PECR: variants seen among roughly 807,000 people sequenced by gnomAD.
PECR encodes the protein peroxisomal trans-2-enoyl-CoA reductase.
PECR carries 30 observed loss-of-function variants against 35.3 expected under a neutral mutation model. That is an observed-to-expected ratio of 0.85 (90% CI 0.64 to 1.15). The LOEUF is 1.15. Among genes scored for constraint, PECR ranks in the 50% most tolerant of loss-of-function variants. The pLI, the probability that PECR is intolerant of heterozygous loss-of-function variation, is 0.00. For missense variants in PECR, 392 were observed against 370.8 expected (o/e 1.06, Z -0.47); for synonymous variants, 148 against 138.9 (o/e 1.07, Z -0.46).
At chr2:216,075,091 T>C (rs1057178060) in intron 1 of PECR, among the ~76,000 whole-genome samples, 1 of 152,294 alleles carries the variant, frequency 6.6e-6, no homozygotes, top group Admixed American at 6.5e-5. Context: ...CCATCCTGGA[T>C]GAGACCTTGT....
downstream of PECR, among the ~76,000 whole-genome samples, chr2:216,035,244 C>G (rs1440489551): frequency 6.6e-6 from 1 of 152,182 alleles, no homozygotes; most frequent in Non-Finnish European, 1.5e-5. Flanking sequence ...CCGTGCAGTG[C>G]AGACTGCTTC....
At chr2:216,081,023 T>C (rs1695830378) in intron 1 of PECR, among the ~76,000 whole-genome samples, 1 of 152,216 alleles carries the variant, frequency 6.6e-6, no homozygotes, top group Admixed American at 6.5e-5. Context: ...ATGTTGCAAA[T>C]ATTTTTCTTC....
chr2:216,046,289 C>T (rs377062629), intron 6 of PECR, among the ~76,000 whole-genome samples: 34 of 107,942 alleles, frequency 3.1e-4, no homozygotes, highest in African/African-American at 1.1e-3. Context: ...TATATATATA[C>T]ATACATATAT....
At chr2:216,055,494 A>T (rs943875394) in intron 4 of PECR, among the ~76,000 whole-genome samples, 1 of 152,066 alleles carries the variant, frequency 6.6e-6, no homozygotes. Flanking sequence ...CACTTGTAAT[A>T]GGACTAAACC....
chr2:216,078,363 G>T (rs1439976908), intron 1 of PECR, among the ~76,000 whole-genome samples: 2 of 151,924 alleles, frequency 1.3e-5, no homozygotes, highest in African/African-American at 4.8e-5. Context: ...TGATTTTTAT[G>T]GCCAGGCCCG....
At chr2:216,055,696 G>A (rs772681909) in intron 4 of PECR, among the ~76,000 whole-genome samples, 14 of 152,174 alleles carry the variant, frequency 9.2e-5, no homozygotes, top group African/African-American at 2.9e-4. Context: ...AGATTTAAGC[G>A]CCCTCCTGGA....
intron 3 of PECR, 77 bp from the exon 4 acceptor site, chr2:216,059,053 G>T: frequency 1.2e-6 from 1 of 855,038 alleles, no homozygotes; most frequent in Non-Finnish European, 2.0e-6. Flanking sequence ...TCAGCACACT[G>T]CCTGTTTGAT....
chr2:216,052,841 C>T (rs146770127), intron 4 of PECR, among the ~76,000 whole-genome samples: 4 of 152,064 alleles, frequency 2.6e-5, no homozygotes, highest in Non-Finnish European at 5.9e-5. Flanking sequence ...TCACAGTTCA[C>T]GAATGCTCTG....
chr2:216,043,834 A>G, intron 7 of PECR, 70 bp downstream of exon 7: 1 of 791,754 alleles, frequency 1.3e-6, no homozygotes, highest in Non-Finnish European at 2.3e-6. Context: ...GTAACTACTT[A>G]TAATAAATTT....
At chr2:216,053,873 T>G (rs1695170983) in intron 4 of PECR, among the ~76,000 whole-genome samples, 1 of 152,062 alleles carries the variant, frequency 6.6e-6, no homozygotes, top group Non-Finnish European at 1.5e-5. Context: ...TCAGCAAAAA[T>G]ATATATTTTT....
chr2:216,041,558 G>A (rs747340571), intron 7 of PECR, among the ~76,000 whole-genome samples: 4 of 152,114 alleles, frequency 2.6e-5, no homozygotes, highest in East Asian at 1.9e-4. Flanking sequence ...CCCATCTCCC[G>A]CATACAACTC....
At chr2:216,061,739 T>C (rs1190062960) in intron 3 of PECR, among the ~76,000 whole-genome samples, 1 of 152,112 alleles carries the variant, frequency 6.6e-6, no homozygotes, top group Non-Finnish European at 1.5e-5. Flanking sequence ...ATGCAATACA[T>C]GAATTTGAAA....
Position 216,039,283 on chromosome 2 carries a change from T to C in PECR, c.904A>G (p.Lys302Glu). The C allele has an allele frequency of 6.3e-7, 1 of 1,586,522 alleles. No homozygotes were observed. Among genetic ancestry groups the C allele is most frequent in the Non-Finnish European group, 8.7e-7 (1 of 1,154,988 alleles). ...CACCTTGTTTCCTCAGCTCAGAGCTTAGCTTTCTCCTTAAAGGTCTCCTTC... is the reference window on the plus strand; with the variant it reads ...CACCTTGTTTCCTCAGCTCAGAGCTCAGCTTTCTCCTTAAAGGTCTCCTTC... ...KMKETFKEKAKL is the reference protein window; with the variant it reads ...KMKETFKEKAEL Residue 302 changes from lysine to glutamate, a missense_variant, in exon 8 of 8, where the codon AAG (lysine) becomes GAG (glutamate). Transcript: ENST00000265322.
At chr2:216,053,534 G>A (rs780545440) in intron 4 of PECR, among the ~76,000 whole-genome samples, 3 of 152,026 alleles carry the variant, frequency 2.0e-5, no homozygotes, top group African/African-American at 4.8e-5. Context: ...GTGAGCCACC[G>A]GGCCTGGCCA....
chr2:216,057,104 T>A (rs1266674533), intron 4 of PECR, among the ~76,000 whole-genome samples: 2 of 152,212 alleles, frequency 1.3e-5, no homozygotes, highest in African/African-American at 2.4e-5. Flanking sequence ...ATAAAGGAAC[T>A]ACAACTTTTC....
intron 7 of PECR, among the ~76,000 whole-genome samples, chr2:216,041,001 A>G (rs1330154853): frequency 1.3e-5 from 2 of 152,198 alleles, no homozygotes; most frequent in African/African-American, 4.8e-5. Context: ...TCTCACAATC[A>G]TACGGCTAAT....
intron 1 of PECR, among the ~76,000 whole-genome samples, chr2:216,077,572 C>T (rs1203929650): frequency 4.0e-5 from 6 of 151,890 alleles, no homozygotes; most frequent in Non-Finnish European, 8.8e-5. Context: ...CTTTGGGAGG[C>T]TGAGGCGGGC....
At chr2:216,041,941 C>T (rs115739618) in intron 7 of PECR, among the ~76,000 whole-genome samples, 4,343 of 152,336 alleles carry the variant, frequency 0.029, 80 homozygotes, top group Non-Finnish European at 0.043. Context: ...CCTGTGCACC[C>T]CTTCGGCTGT....
chr2:216,052,706 G>C (rs913138267), intron 4 of PECR, among the ~76,000 whole-genome samples: 14 of 152,214 alleles, frequency 9.2e-5, no homozygotes, highest in African/African-American at 3.1e-4. Flanking sequence ...CTTGTACTGG[G>C]GTTTGTTGAG....
Sources: allele counts gnomAD v4.1 joint callset (sites outside exome capture counted in the v4.1 genomes callset), GRCh38; gene constraint gnomAD v4.1.1; transcripts MANE v1.5; gene names NCBI Gene and HGNC (gene_info 2026-07-23, HGNC 2026-07-21).